ITPR2: variants seen among roughly 807,000 people sequenced by gnomAD.
The protein encoded by ITPR2 is inositol 1,4,5-trisphosphate receptor type 2, also known as inositol 1,4,5-trisphosphate-gated calcium channel ITPR2.
ITPR2 carries 207 observed loss-of-function variants against 317.1 expected under a neutral mutation model. The observed-to-expected ratio is 0.65, with a 90% confidence interval of 0.58 to 0.73. The LOEUF (loss-of-function observed/expected upper bound fraction) is 0.73, where lower values mean the gene tolerates loss of function less well. Among genes scored for constraint, ITPR2 ranks in the 30% least tolerant of loss-of-function variants. ITPR2 has a pLI of 0.00. For missense variants in ITPR2, 2,613 were observed against 3,284.0 expected (o/e 0.80, Z 4.99); for synonymous variants, 1,156 against 1,149.1 (o/e 1.01, Z -0.12).
chr12:26,628,962 T>A lies in ITPR2; in HGVS notation c.2935-800A>T, dbSNP rs142664705. On this transcript the variant is annotated intron_variant, in intron 22 of 56. Coordinates refer to ENST00000381340, the MANE Select transcript of ITPR2 (RefSeq NM_002223.4). The stretch of plus-strand genomic sequence containing the variant: ...GAGGTTTTTACATAGGTACCATCTG[T>A]CCCTGTCTGCCTGAGAGAGGCCCTG... Among the ~76,000 whole-genome samples, 493 of 152,318 alleles carry A rather than the reference T, an allele frequency of 3.2e-3. 1 individual carries two copies. The highest frequency in any genetic ancestry group is 6.8e-3 in the Admixed American group (104 of 15,296).
intron 37 of ITPR2, among the ~76,000 whole-genome samples, chr12:26,528,079 G>A (rs555845250): frequency 3.3e-5 from 5 of 152,286 alleles, no homozygotes; most frequent in Admixed American, 6.5e-5. Context: ...TATTCTAAGC[G>A]GCTTGCCCCT....
At position 26,695,682 on chromosome 12, in the gene ITPR2, T is replaced by A. The variant is rs1248206375; in HGVS notation, c.952-32A>T. The A allele has an allele frequency of 3.3e-6, 5 of 1,521,676 alleles. No homozygotes were observed. The African/African-American group carries it at 4.1e-5, about 13-fold the overall frequency. The allele number at this position is 1,521,676 out of a possible 1,614,324, so 94.3% of individuals were successfully genotyped here. A position where few individuals can be genotyped will look rare whatever the true frequency, so the allele number is the denominator to read the frequency against. On this transcript the variant is annotated intron_variant, in intron 9 of 56. Coordinates refer to ENST00000381340, the MANE Select transcript of ITPR2 (RefSeq NM_002223.4). ...AAACAAAGGAAAATTTAGTTTTTCA[T>A]TGCTATGAAAAGCACACTAACAAGA...
At chr12:26,671,588 C>A (rs1947773538) in intron 13 of ITPR2, among the ~76,000 whole-genome samples, 2 of 152,202 alleles carry the variant, frequency 1.3e-5, no homozygotes, top group South Asian at 2.1e-4. Context: ...CCAGCCGCTG[C>A]AAAATCATGT....
chr12:26,522,525 A>G (rs1464231549), intron 37 of ITPR2, among the ~76,000 whole-genome samples: 1 of 152,128 alleles, frequency 6.6e-6, no homozygotes, highest in African/African-American at 2.4e-5. Flanking sequence ...TGGAACCCCT[A>G]TCCAGTCACC....
chr12:26,655,613 CAAAAAAAAAA>C, intron 20 of ITPR2, 85 bp downstream of exon 20: 1 of 635,386 alleles, frequency 1.6e-6, no homozygotes, highest in Non-Finnish European at 2.2e-6. Context: ...GACTCTGTCT[CAAAAAAAAAA>C]AAAAAAAAAG....
chr12:26,616,113 A>ATTTT (rs1555167030), intron 26 of ITPR2, among the ~76,000 whole-genome samples: 1 of 150,680 alleles, frequency 6.6e-6, no homozygotes, highest in African/African-American at 2.4e-5. Context: ...TGCATGTGGA[A>ATTTT]ATTTATTTAT....
intron 37 of ITPR2, among the ~76,000 whole-genome samples, chr12:26,517,506 T>C (rs972570824): frequency 2.0e-5 from 3 of 152,140 alleles, no homozygotes; most frequent in Non-Finnish European, 2.9e-5. Context: ...AGATAACAAT[T>C]ACACCAGTCA....
At chr12:26,642,929 G>A (rs1355301505) in intron 21 of ITPR2, among the ~76,000 whole-genome samples, 2 of 152,182 alleles carry the variant, frequency 1.3e-5, no homozygotes, top group African/African-American at 4.8e-5. Context: ...GCACTCAACT[G>A]CCAGCCCCTG....
chr12:26,607,514 TCAACTTCTATGAC>T lies in ITPR2; in HGVS notation c.3463-4821_3463-4809del, dbSNP rs143182491. Among the ~76,000 whole-genome samples the T allele has an allele frequency of 9.2e-3, 1,400 of 152,256 alleles. 23 individuals are homozygous for T. The highest frequency in any genetic ancestry group is 0.032 in the African/African-American group (1,346 of 41,536). On this transcript the variant is annotated intron_variant, in intron 26 of 56. Coordinates refer to ENST00000381340, the MANE Select transcript of ITPR2 (RefSeq NM_002223.4). ...TCATTTAGGAAGATATCACCCTAGA[TCAACTTCTATGAC>T]CTTGCCTGGAAAGCTACTTTGCACG... is the stretch of plus-strand genomic sequence containing the variant.
intron 21 of ITPR2, among the ~76,000 whole-genome samples, chr12:26,647,317 C>T (rs1262827895): frequency 6.6e-6 from 1 of 152,250 alleles, no homozygotes; most frequent in Non-Finnish European, 1.5e-5. Flanking sequence ...GAGTTATACA[C>T]ATATCATGCT....
chr12:26,695,938 A>G (rs1177476838), intron 9 of ITPR2, among the ~76,000 whole-genome samples: 5 of 152,172 alleles, frequency 3.3e-5, no homozygotes, highest in African/African-American at 9.7e-5. Flanking sequence ...AAAATATTCA[A>G]TAGAGTTCAC....
chr12:26,638,686 T>G (rs965739331), intron 21 of ITPR2, among the ~76,000 whole-genome samples: 2 of 152,194 alleles, frequency 1.3e-5, no homozygotes, highest in African/African-American at 4.8e-5. Context: ...ATTTTCGTCA[T>G]TGACTTGGGT....
rs57271500 is a variant in ITPR2, at chr12:26,503,190, A to AACACAC, written c.5074-7936_5074-7931dup. 1.4e-3 allele frequency among the ~76,000 whole-genome samples: 197 copies of AACACAC among 139,176 alleles called. 1 individual carries two copies. The South Asian group carries it at 0.017, about 12-fold the overall frequency. The allele number at this position is 139,176 out of a possible 152,430, so 91.3% of individuals were successfully genotyped here. ...GGTAGAAGACCCACTGCCCCCCACCAACACACACACACACACACACACACA... is the reference window on the plus strand; with the variant it reads ...GGTAGAAGACCCACTGCCCCCCACCAACACACACACACACACACACACACACACACA... On this transcript the variant is annotated intron_variant, in intron 37 of 56. Transcript: ENST00000381340.
chr12:26,774,805 C>T (rs1437483249), intron 2 of ITPR2, among the ~76,000 whole-genome samples: 2 of 152,208 alleles, frequency 1.3e-5, no homozygotes, highest in African/African-American at 4.8e-5. Flanking sequence ...TGAGAGCTCT[C>T]CCTGCCACAT....
intron 8 of ITPR2, 24 bp downstream of exon 8, chr12:26,715,275 A>G (rs200176198): frequency 1.7e-4 from 274 of 1,585,482 alleles, no homozygotes; most frequent in Middle Eastern, 1.0e-3. Context: ...AATATTTATT[A>G]AGTGCCAAAA....
At chr12:26,762,919 T>C (rs144733476) in intron 2 of ITPR2, among the ~76,000 whole-genome samples, 24 of 152,216 alleles carry the variant, frequency 1.6e-4, no homozygotes, top group Admixed American at 5.2e-4. Flanking sequence ...GAAGTTAGTG[T>C]AGAGTTTTTG....
chr12:26,798,460 T>C (rs369301153), intron 1 of ITPR2, among the ~76,000 whole-genome samples: 2 of 152,250 alleles, frequency 1.3e-5, no homozygotes, highest in East Asian at 3.8e-4. Flanking sequence ...AGCATCTATT[T>C]TTTTGAAGCT....
At chr12:26,735,947 T>C (rs1274418571) in intron 2 of ITPR2, among the ~76,000 whole-genome samples, 1 of 152,250 alleles carries the variant, frequency 6.6e-6, no homozygotes, top group East Asian at 1.9e-4. Flanking sequence ...CCTCTACCTT[T>C]ACTATAGCAC....
chr12:26,611,142 T>C (rs952404948), intron 26 of ITPR2, among the ~76,000 whole-genome samples: 7 of 152,162 alleles, frequency 4.6e-5, no homozygotes, highest in Admixed American at 2.6e-4. Flanking sequence ...CCATGGCCCA[T>C]AGAAATTGGA....
Sources: allele counts gnomAD v4.1 joint callset (sites outside exome capture counted in the v4.1 genomes callset), GRCh38; gene constraint gnomAD v4.1.1; transcripts MANE v1.5; gene names NCBI Gene and HGNC (gene_info 2026-07-23, HGNC 2026-07-21).